NRG2: variants seen among roughly 807,000 people sequenced by gnomAD.
The protein encoded by NRG2 is pro-neuregulin-2, membrane-bound isoform.
Under a neutral mutation model 73.9 loss-of-function variants are expected in NRG2, and 27 were observed. The ratio of observed to expected loss-of-function variants is 0.37; its 90% CI spans 0.27 to 0.50. The LOEUF is 0.50. Among genes scored for constraint, NRG2 ranks in the 20% least tolerant of loss-of-function variants. NRG2 has a pLI of 0.96. For missense variants in NRG2, 1,126 were observed against 1,210.1 expected (o/e 0.93, Z 1.03); for synonymous variants, 532 against 541.0 (o/e 0.98, Z 0.23).
chr5:139,857,067 C>T (rs745583666), intron 5 of NRG2, among the ~76,000 whole-genome samples: 1 of 152,208 alleles, frequency 6.6e-6, no homozygotes, highest in Non-Finnish European at 1.5e-5. Flanking sequence ...ACCTCCAGGC[C>T]GCCAAGTCCT....
chr5:139,911,571 G>A (rs1486603927), intron 1 of NRG2, among the ~76,000 whole-genome samples: 3 of 152,162 alleles, frequency 2.0e-5, no homozygotes, highest in African/African-American at 7.2e-5. Context: ...GAAAGCCTGC[G>A]GCATGGTACC....
At position 139,852,506 on chromosome 5, in the gene NRG2, C is replaced by G; in HGVS notation, c.1470G>C (p.Glu490Asp). ...AGGAGTGGCTCCCAGAGAAGGTGGT[C>G]TCAGTTTCTCTCCTGATGACATGGT... Reference protein sequence around the residue: ...ATDHVIRRETETTFSGSHSCS... With the variant: ...ATDHVIRRETDTTFSGSHSCS... Residue 490 changes from glutamate (E) to aspartate (D), a missense_variant, in exon 8 of 10, where the codon GAG (glutamate) becomes GAC (aspartate). Glu to Asp is a conservative substitution (Grantham distance 45, BLOSUM62 2). This residue lies in a region of NRG2 where 539 missense variants were observed against 703.2 expected (regional missense o/e 0.77). Coordinates refer to ENST00000361474, the MANE Select transcript of NRG2 (RefSeq NM_004883.3). The surrounding 1 kb of genome is among the most constrained non-coding windows in gnomAD (Gnocchi z 4.4). The G allele has an allele frequency of 3.7e-6, 6 of 1,614,048 alleles. No individual in the cohort carries two copies. The highest frequency in any genetic ancestry group is 4.2e-6 in the Non-Finnish European group (5 of 1,179,978).
chr5:140,042,946 C>CGCTGCTGCT lies in NRG2; in HGVS notation c.115_123dup (p.Ser39_Ser41dup), dbSNP rs756281194. ...CTGCTCCTGCTGCTGCTGCCGCTCTCGCTGCTGCTGCTGCTGCTGCTGCTG... is the reference window on the plus strand; with the variant it reads ...CTGCTCCTGCTGCTGCTGCCGCTCTCGCTGCTGCTGCTGCTGCTGCTGCTGCTGCTGCTG... On this transcript the variant is annotated inframe_insertion, in exon 1 of 10. Coordinates refer to ENST00000361474, the MANE Select transcript of NRG2 (RefSeq NM_004883.3). 0.013 allele frequency: 19,927 copies of CGCTGCTGCT among 1,532,746 alleles called. 88 individuals carry two copies. Among genetic ancestry groups the CGCTGCTGCT allele is most frequent in the Non-Finnish European group, 0.015 (17,424 of 1,138,774 alleles). 94.9% of individuals were successfully genotyped at this position (1,532,746 alleles called of 1,614,324 possible). A position where few individuals can be genotyped will look rare whatever the true frequency, so the allele number is the denominator to read the frequency against.
chr5:139,955,655 C>T (rs575030247), intron 1 of NRG2, among the ~76,000 whole-genome samples: 3 of 152,144 alleles, frequency 2.0e-5, no homozygotes, highest in Non-Finnish European at 4.4e-5. Flanking sequence ...AGTGTCTTCC[C>T]ACGTCTCTTT....
intron 1 of NRG2, among the ~76,000 whole-genome samples, chr5:139,967,695 C>T (rs767137296): frequency 3.3e-5 from 5 of 152,140 alleles, no homozygotes; most frequent in Non-Finnish European, 7.3e-5. Flanking sequence ...AGAACAGGGC[C>T]GGGCACAATG....
chr5:139,959,248 G>C (rs1754880180), intron 1 of NRG2, among the ~76,000 whole-genome samples: 3 of 152,224 alleles, frequency 2.0e-5, no homozygotes, highest in Admixed American at 2.0e-4. Flanking sequence ...CGCCCAGGCT[G>C]GAGTGCAATG....
intron 1 of NRG2, among the ~76,000 whole-genome samples, chr5:139,974,283 G>C (rs1756207488): frequency 6.6e-6 from 1 of 151,110 alleles, no homozygotes; most frequent in East Asian, 2.0e-4. Context: ...ATGTGACAAG[G>C]ATCCAAGATT....
At chr5:139,995,510 G>T (rs1016289834) in intron 1 of NRG2, among the ~76,000 whole-genome samples, 4 of 152,198 alleles carry the variant, frequency 2.6e-5, no homozygotes, top group Non-Finnish European at 4.4e-5. Context: ...CTAGAAGGAA[G>T]AAGCACTTAG....
At chr5:139,923,724 A>G (rs1327545511) in intron 1 of NRG2, among the ~76,000 whole-genome samples, 1 of 152,164 alleles carries the variant, frequency 6.6e-6, no homozygotes, top group African/African-American at 2.4e-5. Context: ...CCAAACCCAG[A>G]GTCCTAATTT....
Position 139,856,628 on chromosome 5 carries a change from G to T in NRG2, c.1190-850C>A, listed in dbSNP as rs957030760. On this transcript the variant is annotated intron_variant, in intron 5 of 9. Coordinates refer to ENST00000361474, the MANE Select transcript of NRG2 (RefSeq NM_004883.3). This position sits in a 1 kb window ranked among gnomAD's most constrained non-coding sequence, Gnocchi z 4.2. The stretch of plus-strand genomic sequence containing the variant: ...GGTAAAGTGGAGGCTGGACCTCAAT[G>T]CCTTGGCAGAGCCCTGGGAAATGTC... 6.6e-6 allele frequency among the ~76,000 whole-genome samples: 1 copy of T among 152,200 alleles called. No homozygotes were observed. Among genetic ancestry groups the T allele is most frequent in the African/African-American group, 2.4e-5 (1 of 41,448 alleles).
intron 1 of NRG2, among the ~76,000 whole-genome samples, chr5:140,009,297 C>G (rs1044309455): frequency 4.6e-5 from 7 of 152,158 alleles, no homozygotes; most frequent in African/African-American, 1.4e-4. Flanking sequence ...GAGTCAGTGT[C>G]CTAAATCTAA....
At chr5:139,908,039 G>A (rs536122051) in intron 1 of NRG2, among the ~76,000 whole-genome samples, 1 of 152,250 alleles carries the variant, frequency 6.6e-6, no homozygotes, top group Non-Finnish European at 1.5e-5. Context: ...GGAAACAAAG[G>A]CTAGGAGTAA....
chr5:139,855,188 GTCTT>G (rs1761727168), intron 6 of NRG2, among the ~76,000 whole-genome samples: 3 of 152,172 alleles, frequency 2.0e-5, no homozygotes, highest in African/African-American at 7.2e-5. Context: ...TGAGGCATCT[GTCTT>G]TCTTTGGGAA....
intron 1 of NRG2, among the ~76,000 whole-genome samples, chr5:139,978,831 A>C (rs1367127984): frequency 3.3e-5 from 5 of 152,076 alleles, no homozygotes; most frequent in Admixed American, 2.6e-4. Context: ...ACTTGGAACC[A>C]ACCCAAATGT....
intron 1 of NRG2, among the ~76,000 whole-genome samples, chr5:139,932,404 T>G (rs1752540361): frequency 6.7e-6 from 1 of 148,936 alleles, no homozygotes; most frequent in South Asian, 2.2e-4. Context: ...TCTCACTTAT[T>G]AGTAGATTTT....
intron 1 of NRG2, among the ~76,000 whole-genome samples, chr5:139,916,070 A>G (rs72796709): frequency 0.014 from 2,082 of 152,318 alleles, 22 homozygotes; most frequent in Middle Eastern, 0.058. Context: ...CAGCAGCGTC[A>G]TGCAGGGCAG....
At chr5:139,955,568 T>C (rs1296243816) in intron 1 of NRG2, among the ~76,000 whole-genome samples, 3 of 152,194 alleles carry the variant, frequency 2.0e-5, no homozygotes, top group African/African-American at 7.2e-5. Context: ...GTGCTCACTC[T>C]GCCCTTAACA....
At position 139,852,829 on chromosome 5, in the gene NRG2, C is replaced by G; in HGVS notation, c.1416+75G>C. 2.5e-6 allele frequency: 4 copies of G among 1,595,598 alleles called. No individual in the cohort carries two copies. Among genetic ancestry groups the G allele is most frequent in the Non-Finnish European group, 3.4e-6 (4 of 1,174,436 alleles). ...GGGATAGGCTGGCTGCTGCCCTGGC[C>G]CATCCTTGCAGGGGGCATGAGAAGG... On this transcript the variant is annotated intron_variant, in intron 7 of 9. Coordinates refer to ENST00000361474, the MANE Select transcript of NRG2 (RefSeq NM_004883.3). The surrounding 1 kb of genome is among the most constrained non-coding windows in gnomAD (Gnocchi z 4.4).
At position 139,980,550 on chromosome 5, in the gene NRG2, C is replaced by T. The variant is rs534075648; in HGVS notation, c.700+61820G>A. The stretch of plus-strand genomic sequence containing the variant: ...CACCATCCTCATGCCCACCATTCCC[C>T]TGGCAGATATCCTTGAAGGCTGGGG... On this transcript the variant is annotated intron_variant, in intron 1 of 9. Coordinates refer to ENST00000361474, the MANE Select transcript of NRG2 (RefSeq NM_004883.3). Among the ~76,000 whole-genome samples, 4 of 152,282 alleles carry T rather than the reference C, an allele frequency of 2.6e-5. No homozygotes were observed. In the South Asian group the frequency reaches 8.3e-4, roughly 32 times the overall value.
Sources: allele counts gnomAD v4.1 joint callset (sites outside exome capture counted in the v4.1 genomes callset), GRCh38; gene constraint gnomAD v4.1.1; regional missense constraint gnomAD v4.1.1; non-coding constraint Gnocchi (gnomAD v3.1); transcripts MANE v1.5; gene names NCBI Gene and HGNC (gene_info 2026-07-23, HGNC 2026-07-21).